Variants in STK4 observed in about 807,000 individuals in gnomAD.
STK4 encodes serine/threonine kinase 4.
Under a neutral mutation model 64.9 loss-of-function variants are expected in STK4, and 30 were observed. The observed-to-expected ratio is 0.46, with a 90% confidence interval of 0.35 to 0.63. STK4 has a LOEUF of 0.63. Among genes scored for constraint, STK4 ranks in the 20% least tolerant of loss-of-function variants. The pLI is 0.01. For missense variants in STK4, 466 were observed against 598.5 expected (o/e 0.78, Z 2.31); for synonymous variants, 177 against 199.0 (o/e 0.89, Z 0.93).
chr20:45,033,115 G>C (rs1223576692), intron 10 of STK4, among the ~76,000 whole-genome samples: 2 of 151,974 alleles, frequency 1.3e-5, no homozygotes, highest in Non-Finnish European at 2.9e-5. Context: ...TTTTTAATGA[G>C]GTCGTTTGCT....
chr20:45,000,117 A>AG (rs1197974004), intron 7 of STK4, among the ~76,000 whole-genome samples: 1 of 152,214 alleles, frequency 6.6e-6, no homozygotes, highest in East Asian at 1.9e-4. Context: ...AAGTTCCTCC[A>AG]GGAGATGATA....
In STK4 at chr20:44,995,183, A is replaced by G. The variant is rs377733474; in HGVS notation, c.619A>G (p.Ile207Val). The change falls in exon 6 of 11, where the codon ATC becomes GTC. Residue 207 changes from isoleucine (I) to valine (V), a missense_variant. Ile to Val is a conservative substitution (Grantham distance 29, BLOSUM62 3). Coordinates refer to ENST00000372806, the MANE Select transcript of STK4 (RefSeq NM_006282.5). ...AATTGGATACAACTGTGTAGCAGACATCTGGTCCCTGGGAATAACTGCCAT... is the reference window on the plus strand; with the variant it reads ...AATTGGATACAACTGTGTAGCAGACGTCTGGTCCCTGGGAATAACTGCCAT... Reference protein sequence around the residue: ...QEIGYNCVADIWSLGITAIEM... With the variant: ...QEIGYNCVADVWSLGITAIEM... 1.6e-5 allele frequency: 26 copies of G among 1,613,968 alleles called. No individual in the cohort carries two copies. The highest frequency in any genetic ancestry group is 1.9e-5 in the Non-Finnish European group (22 of 1,179,920).
chr20:45,005,894 A>G (rs1206000783), intron 9 of STK4, among the ~76,000 whole-genome samples: 1 of 151,900 alleles, frequency 6.6e-6, no homozygotes, highest in Admixed American at 6.6e-5. Context: ...TTACTGAGGC[A>G]TGGATTTCTA....
chr20:44,984,066 C>G (rs924042251), intron 4 of STK4, among the ~76,000 whole-genome samples: 1 of 148,568 alleles, frequency 6.7e-6, no homozygotes, highest in African/African-American at 2.5e-5. Flanking sequence ...GTATTTTAAA[C>G]TAGTCCAAAA....
intron 4 of STK4, among the ~76,000 whole-genome samples, chr20:44,984,096 T>TG (rs903548774): frequency 2.2e-5 from 3 of 139,432 alleles, no homozygotes; most frequent in Non-Finnish European, 4.9e-5. Context: ...ATGGCACTTT[T>TG]GGTTTTTTTT....
chr20:44,979,522 A>G (rs1002623199), intron 3 of STK4, among the ~76,000 whole-genome samples: 1 of 152,180 alleles, frequency 6.6e-6, no homozygotes, highest in African/African-American at 2.4e-5. Context: ...AGCACTATTT[A>G]GATTAGAGAC....
At chr20:44,987,348 C>T in intron 5 of STK4, 52 bp downstream of exon 5, 6 of 1,519,344 alleles carry the variant, frequency 3.9e-6, no homozygotes, top group Non-Finnish European at 5.3e-6. Context: ...TCCTGAGAAG[C>T]AGTTCCTTTT....
chr20:45,052,647 G>C (rs962445241), intron 10 of STK4, among the ~76,000 whole-genome samples: 2 of 152,022 alleles, frequency 1.3e-5, no homozygotes, highest in Admixed American at 1.3e-4. Context: ...TTTTATTGTT[G>C]CATTTTTTTG....
At chr20:45,018,033 G>T (rs1406352616) in intron 9 of STK4, among the ~76,000 whole-genome samples, 2 of 152,196 alleles carry the variant, frequency 1.3e-5, no homozygotes, top group Non-Finnish European at 2.9e-5. Flanking sequence ...AGTAACCAGT[G>T]TAATTAAATG....
At chr20:45,071,868 C>T (rs148895422) in intron 10 of STK4, among the ~76,000 whole-genome samples, 9 of 152,168 alleles carry the variant, frequency 5.9e-5, no homozygotes, top group African/African-American at 1.2e-4. Context: ...TGGGCTCAAG[C>T]GATCCTCCCA....
At chr20:45,067,891 A>C (rs1386611647) in intron 10 of STK4, among the ~76,000 whole-genome samples, 1 of 152,214 alleles carries the variant, frequency 6.6e-6, no homozygotes, top group African/African-American at 2.4e-5. Context: ...AGGGTTTCTC[A>C]CATAGAGTTC....
intron 5 of STK4, 84 bp downstream of exon 5, chr20:44,987,380 A>G (rs2067548182): frequency 7.7e-7 from 1 of 1,304,266 alleles, no homozygotes; most frequent in Admixed American, 2.6e-5. Flanking sequence ...TTTAAAATAT[A>G]ATACTTGACT....
intron 9 of STK4, among the ~76,000 whole-genome samples, chr20:45,019,101 T>C (rs6031935): frequency 0.15 from 23,355 of 152,128 alleles, 1,937 homozygotes; most frequent in East Asian, 0.22. Flanking sequence ...AATTCAGTGT[T>C]TTTTTAGGAT....
chr20:44,968,428 G>T (rs780150674), intron 1 of STK4, among the ~76,000 whole-genome samples: 1 of 152,166 alleles, frequency 6.6e-6, no homozygotes, highest in Non-Finnish European at 1.5e-5. Flanking sequence ...TGAGCCACCG[G>T]GCCCGGCCAT....
At chr20:45,007,857 G>A (rs781223440) in intron 9 of STK4, 1 of 349,510 alleles carries the variant, frequency 2.9e-6, no homozygotes, top group Non-Finnish European at 5.7e-6. Flanking sequence ...ATAGGACCCA[G>A]TAGCTAGTTT....
intron 5 of STK4, among the ~76,000 whole-genome samples, chr20:44,991,957 C>T (rs898488226): frequency 6.6e-6 from 1 of 151,964 alleles, no homozygotes; most frequent in Admixed American, 6.6e-5. Context: ...AGCCATTGTG[C>T]CTGGCTGAGT....
intron 10 of STK4, chr20:45,053,221 G>T: frequency 6.6e-6 from 10 of 1,517,666 alleles, no homozygotes; most frequent in Non-Finnish European, 9.1e-6. Context: ...ACAGTAGCCT[G>T]GTTCTGCTGG....
chr20:45,001,100 T>A, intron 8 of STK4, 67 bp from the exon 9 acceptor site: 1 of 1,493,752 alleles, frequency 6.7e-7, no homozygotes, highest in Non-Finnish European at 9.1e-7. Flanking sequence ...AGACAGGTAG[T>A]AGTTATTCAG....
chr20:45,006,855 G>A (rs1313270284), intron 9 of STK4, among the ~76,000 whole-genome samples: 1 of 152,108 alleles, frequency 6.6e-6, no homozygotes, highest in African/African-American at 2.4e-5. Flanking sequence ...TTGAGTTCTG[G>A]CTTCCCCTTT....
Sources: allele counts gnomAD v4.1 joint callset (sites outside exome capture counted in the v4.1 genomes callset), GRCh38; gene constraint gnomAD v4.1.1; transcripts MANE v1.5; gene names NCBI Gene and HGNC (gene_info 2026-07-23, HGNC 2026-07-21).